The following CDH8 variants were observed in gnomAD, a reference collection of about 807,000 sequenced individuals.
CDH8 encodes the protein cadherin-8.
In CDH8, 17 loss-of-function variants were observed where a neutral mutation model predicts 68.1. The ratio of observed to expected loss-of-function variants is 0.25; its 90% confidence interval spans 0.17 to 0.37. The LOEUF (loss-of-function observed/expected upper bound fraction) is 0.37. Ranked by LOEUF, CDH8 falls within the 10% of genes least tolerant of loss-of-function variation. The pLI is 1.00. For synonymous variants in CDH8, 372 were observed against 365.1 expected, an observed-to-expected ratio of 1.02 and a Z score of -0.21; for missense variants, 763 against 999.3, an observed-to-expected ratio of 0.76 and a Z score of 3.19.
In CDH8 at chr16:61,852,421, T is replaced by C. The variant is rs1962955469; in HGVS notation, c.667+4698A>G. On this transcript the variant is annotated intron_variant, in intron 4 of 11. Coordinates refer to ENST00000577390, the MANE Select transcript of CDH8 (RefSeq NM_001796.5). ...CTGGAATAGGAAGATATATTAATAA[T>C]CATTTCTTCTTTGTTTAGTGGTCCC... Among the ~76,000 whole-genome samples the C allele has an allele frequency of 1.3e-5, 2 of 152,118 alleles. 1 individual carries two copies. Among genetic ancestry groups the C allele is most frequent in the South Asian group, 4.1e-4 (2 of 4,832 alleles).
At chr16:61,892,138 C>G (rs1022154255) in intron 3 of CDH8, among the ~76,000 whole-genome samples, 2 of 152,066 alleles carry the variant, frequency 1.3e-5, no homozygotes, top group Non-Finnish European at 2.9e-5. Flanking sequence ...TGGGCAATGA[C>G]AAGAATCACA....
At position 61,689,291 on chromosome 16, in the gene CDH8, A is replaced by C. The variant is rs76966144; in HGVS notation, c.1654+24550T>G. On this transcript the variant is annotated intron_variant, in intron 10 of 11. Coordinates refer to ENST00000577390, the MANE Select transcript of CDH8 (RefSeq NM_001796.5). The stretch of plus-strand genomic sequence containing the variant: ...ATCTTGGAAAAGATCTCTCGCAATC[A>C]CTCAGGTATTTACACATGTAAGATG... Among the ~76,000 whole-genome samples the C allele has an allele frequency of 6.6e-4, 101 of 152,156 alleles. 1 individual carries two copies. In the East Asian group the frequency reaches 0.018, roughly 27 times the overall value.
At chr16:61,963,210 AG>A (rs919952017) in intron 2 of CDH8, among the ~76,000 whole-genome samples, 31 of 152,094 alleles carry the variant, frequency 2.0e-4, no homozygotes, top group East Asian at 3.9e-4. Context: ...CATGGTGGGG[AG>A]GGGGGAGACA....
At chr16:61,965,646 T>C (rs55897845) in intron 2 of CDH8, among the ~76,000 whole-genome samples, 3 of 152,236 alleles carry the variant, frequency 2.0e-5, no homozygotes, top group East Asian at 1.9e-4. Flanking sequence ...TCTAAATAAA[T>C]GAAAGAACAA....
At chr16:61,796,775 C>A in intron 7 of CDH8, among the ~76,000 whole-genome samples, 1 of 152,096 alleles carries the variant, frequency 6.6e-6, no homozygotes, top group Non-Finnish European at 1.5e-5. Context: ...AATGGCTTAG[C>A]AACTTGTTCA....
At chr16:61,752,662 ATAAG>A (rs1960199623) in intron 8 of CDH8, among the ~76,000 whole-genome samples, 1 of 152,188 alleles carries the variant, frequency 6.6e-6, no homozygotes, top group South Asian at 2.1e-4. Context: ...TTTGTCTATT[ATAAG>A]TAAGTGATTA....
chr16:61,818,695 T>C (rs1311193384), intron 6 of CDH8, among the ~76,000 whole-genome samples: 4 of 152,174 alleles, frequency 2.6e-5, no homozygotes, highest in Admixed American at 2.6e-4. Flanking sequence ...CTCATAATAC[T>C]TCAGATTTCA....
chr16:62,026,759 C>T (rs1299543013), intron 1 of CDH8, among the ~76,000 whole-genome samples: 1 of 152,206 alleles, frequency 6.6e-6, no homozygotes, highest in African/African-American at 2.4e-5. Flanking sequence ...GGCAATCCTG[C>T]TAATTCGAGA....
chr16:61,889,368 T>A (rs527414377), intron 3 of CDH8, among the ~76,000 whole-genome samples: 1 of 152,182 alleles, frequency 6.6e-6, no homozygotes, highest in East Asian at 1.9e-4. Flanking sequence ...ATCCAGAAAG[T>A]ATAATTATTA....
chr16:61,660,248 A>G (rs1963529123), intron 10 of CDH8, among the ~76,000 whole-genome samples: 1 of 151,250 alleles, frequency 6.6e-6, no homozygotes, highest in Non-Finnish European at 1.5e-5. Context: ...AGACATGCAA[A>G]GAATGAAGAA....
chr16:61,960,013 T>TATATATATATATAC lies in CDH8; in HGVS notation c.253-58541_253-58540insGTATATATATATAT, dbSNP rs1428445364. ...ATATATATATATATATATATATATA[T>TATATATATATATAC]ATACACACATACACACACACACACA... On this transcript the variant is annotated intron_variant, in intron 2 of 11. Transcript: ENST00000577390. Among the ~76,000 whole-genome samples, 6 of 80,552 alleles carry TATATATATATATAC rather than the reference T, an allele frequency of 7.4e-5. 1 individual carries two copies. The highest frequency in any genetic ancestry group is 1.1e-4 in the Non-Finnish European group (5 of 46,230). 52.8% of individuals were successfully genotyped at this position (80,552 alleles called of 152,430 possible).
At chr16:61,741,536 A>G (rs1316720915) in intron 8 of CDH8, among the ~76,000 whole-genome samples, 2 of 152,082 alleles carry the variant, frequency 1.3e-5, no homozygotes, top group East Asian at 3.9e-4. Flanking sequence ...ACCTATGTGA[A>G]CATTATTTAT....
intron 8 of CDH8, among the ~76,000 whole-genome samples, chr16:61,774,770 C>T (rs1248783077): frequency 1.3e-5 from 2 of 152,080 alleles, no homozygotes; most frequent in Admixed American, 1.3e-4. Flanking sequence ...TTAACTATTT[C>T]TGCCCTTAGG....
intron 10 of CDH8, among the ~76,000 whole-genome samples, chr16:61,706,346 G>A (rs1484221468): frequency 6.6e-6 from 1 of 152,118 alleles, no homozygotes; most frequent in Non-Finnish European, 1.5e-5. Flanking sequence ...GGCCGGACGC[G>A]GTGGCTCACG....
At chr16:61,754,523 T>C (rs1960260678) in intron 8 of CDH8, among the ~76,000 whole-genome samples, 1 of 151,956 alleles carries the variant, frequency 6.6e-6, no homozygotes, top group Non-Finnish European at 1.5e-5. Context: ...ATATTATATA[T>C]AATAGTTGTA....
rs1458407305 is a variant in CDH8 at position 61,650,172 on chromosome 16, A to G, written c.*3436T>C. ...GTATTATAAATGTTTAGAAACTTAT[A>G]ACTATACTCATAAAAATATTGTTAA... is the stretch of plus-strand genomic sequence containing the variant. On this transcript the variant is annotated 3_prime_UTR_variant, in exon 12 of 12. Transcript: ENST00000577390. The G allele has an allele frequency of 6.6e-6, 1 of 152,144 alleles. No homozygotes were observed. The highest frequency in any genetic ancestry group is 1.5e-5 in the Non-Finnish European group (1 of 68,024). 9.4% of individuals were successfully genotyped at this position (152,144 alleles called of 1,614,324 possible).
In CDH8 at chr16:61,939,054, G is replaced by A. The variant is rs186969781; in HGVS notation, c.253-37581C>T. ...GGAAATCAACAAGGGCTCATTCATA[G>A]AGAATAAGGCACTCATCTCTTCATA... On this transcript the variant is annotated intron_variant, in intron 2 of 11. Coordinates refer to ENST00000577390, the MANE Select transcript of CDH8 (RefSeq NM_001796.5). 7.7e-3 allele frequency among the ~76,000 whole-genome samples: 1,176 copies of A among 152,282 alleles called. 5 individuals are homozygous for A. Among genetic ancestry groups the A allele is most frequent in the Non-Finnish European group, 0.013 (878 of 68,004 alleles).
At chr16:61,707,885 A>G (rs1964562425) in intron 10 of CDH8, among the ~76,000 whole-genome samples, 1 of 152,178 alleles carries the variant, frequency 6.6e-6, no homozygotes, top group Non-Finnish European at 1.5e-5. Flanking sequence ...ACTGATTTTT[A>G]TGCTTGTAAG....
chr16:61,724,406 T>C (rs193156296), intron 9 of CDH8, among the ~76,000 whole-genome samples: 42 of 150,802 alleles, frequency 2.8e-4, no homozygotes, highest in Non-Finnish European at 5.2e-4. Flanking sequence ...TATGCTCATG[T>C]TGATACTCGT....
Sources: gnomAD v4.1 joint callset for allele counts (sites outside exome capture counted in the v4.1 genomes callset) on GRCh38, gnomAD v4.1.1 for gene constraint, MANE v1.5 for transcripts, NCBI Gene and HGNC (gene_info 2026-07-23, HGNC 2026-07-21) for gene names.